The following COBL variants were observed in gnomAD, a reference collection of about 807,000 sequenced individuals.
COBL encodes the protein cordon-bleu WH2 repeat protein.
Under a neutral mutation model 98.8 loss-of-function variants are expected in COBL, and 51 were observed. The observed-to-expected ratio is 0.52, with a 90% CI of 0.41 to 0.65. COBL has a LOEUF of 0.65. COBL is among the 30% of genes least tolerant of loss of function. COBL has a pLI of 0.00. For synonymous variants in COBL, 634 were observed against 651.7 expected (o/e 0.97, Z 0.41); for missense variants, 1,617 against 1,617.5 (o/e 1.00, Z 0.01).
At chr7:51,255,878 C>G (rs944812715) in intron 1 of COBL, among the ~76,000 whole-genome samples, 1 of 152,140 alleles carries the variant, frequency 6.6e-6, no homozygotes, top group Non-Finnish European at 1.5e-5. Flanking sequence ...TCCAGCCCAG[C>G]CCCTGCTTTG....
chr7:51,040,694 C>T (rs1466201981), intron 8 of COBL, among the ~76,000 whole-genome samples: 1 of 152,114 alleles, frequency 6.6e-6, no homozygotes, highest in African/African-American at 2.4e-5. Context: ...CTATCAGGTT[C>T]CCGAACTCCC....
chr7:51,263,925 A>G (rs1183325900), intron 1 of COBL, among the ~76,000 whole-genome samples: 1 of 152,226 alleles, frequency 6.6e-6, no homozygotes, highest in African/African-American at 2.4e-5. Flanking sequence ...AATGCTAACC[A>G]TGAGTTTGGC....
chr7:51,046,332 T>C (rs1365775124), intron 7 of COBL, among the ~76,000 whole-genome samples: 1 of 152,114 alleles, frequency 6.6e-6, no homozygotes, highest in Non-Finnish European at 1.5e-5. Flanking sequence ...AGTGGGGAAC[T>C]TTCCAGAGAA....
intron 5 of COBL, among the ~76,000 whole-genome samples, chr7:51,150,984 C>A (rs1372488082): frequency 1.3e-5 from 2 of 152,220 alleles, no homozygotes; most frequent in African/African-American, 4.8e-5. Flanking sequence ...CTCCCCGCCC[C>A]AAATCAGCAC....
intron 1 of COBL, among the ~76,000 whole-genome samples, chr7:51,224,319 G>A (rs1159013131): frequency 6.6e-6 from 1 of 152,132 alleles, no homozygotes; most frequent in African/African-American, 2.4e-5. Context: ...CATAGTTCCT[G>A]CTTACAAGAA....
At chr7:51,114,621 T>C (rs1317671617) in intron 6 of COBL, among the ~76,000 whole-genome samples, 1 of 152,212 alleles carries the variant, frequency 6.6e-6, no homozygotes, top group Admixed American at 6.5e-5. Flanking sequence ...ATCAGAAGTT[T>C]GTCCTGACCT....
intron 6 of COBL, among the ~76,000 whole-genome samples, chr7:51,122,982 CA>C (rs57261676): frequency 0.55 from 77,224 of 139,788 alleles, 20,210 homozygotes; most frequent in Middle Eastern, 0.76. Context: ...GACTCCATCT[CA>C]AAAAAAAAAA....
At chr7:51,189,103 T>C (rs1404145940) in intron 4 of COBL, among the ~76,000 whole-genome samples, 3 of 152,200 alleles carry the variant, frequency 2.0e-5, no homozygotes, top group African/African-American at 7.2e-5. Flanking sequence ...TCTGTCTGTG[T>C]TTTAAAAAAG....
intron 2 of COBL, among the ~76,000 whole-genome samples, chr7:51,207,408 C>T (rs2129072028): frequency 6.6e-6 from 1 of 152,170 alleles, no homozygotes; most frequent in African/African-American, 2.4e-5. Flanking sequence ...TGCAGTCTCC[C>T]TCTCCCTCTC....
intron 6 of COBL, among the ~76,000 whole-genome samples, chr7:51,132,862 C>G (rs1798883826): frequency 6.6e-6 from 1 of 152,040 alleles, no homozygotes; most frequent in Non-Finnish European, 1.5e-5. Flanking sequence ...AATCAGATCT[C>G]AGGTAAACTA....
At chr7:51,081,298 G>A (rs950081646) in intron 7 of COBL, among the ~76,000 whole-genome samples, 5 of 152,196 alleles carry the variant, frequency 3.3e-5, no homozygotes, top group East Asian at 1.9e-4. Context: ...TGACGCTGAG[G>A]GCAAAGGAAG....
chr7:51,097,988 C>A (rs534865509), intron 6 of COBL, among the ~76,000 whole-genome samples: 1 of 141,572 alleles, frequency 7.1e-6, no homozygotes. Flanking sequence ...TGCGCCACTG[C>A]ACTCCAGCCT....
chr7:51,025,227 A>C lies in COBL; in HGVS notation c.3650T>G (p.Leu1217Arg), dbSNP rs1554347651. Residue 1217 changes from leucine to arginine, a missense_variant, in exon 12 of 13, where the codon CTC (leucine) becomes CGC (arginine). Physicochemically the swap from Leu to Arg is moderately radical, Grantham distance 102 (BLOSUM62 -2). Transcript: ENST00000265136. Reference protein sequence around the residue: ...PPPPPPPSQALSAPRTASRFS... With the variant: ...PPPPPPPSQARSAPRTASRFS... ...CCTGGAGGCCGTCCTTGGTGCAGAG[A>C]GAGCCTGGGAGGGTGGAGGGGGTGG... 1.2e-5 allele frequency: 13 copies of C among 1,122,932 alleles called. No homozygotes were observed. In the South Asian group the frequency reaches 1.5e-4, roughly 13 times the overall value. 69.6% of individuals were successfully genotyped at this position (1,122,932 alleles called of 1,614,324 possible). A position where few individuals can be genotyped will look rare whatever the true frequency, so the allele number is the denominator to read the frequency against.
chr7:51,253,767 T>C (rs1431838423), intron 1 of COBL, among the ~76,000 whole-genome samples: 2 of 152,226 alleles, frequency 1.3e-5, no homozygotes, highest in East Asian at 1.9e-4. Context: ...TTGCCATTTC[T>C]TTTGTTCTTA....
At chr7:51,044,210 T>C (rs1438022059) in intron 7 of COBL, among the ~76,000 whole-genome samples, 1 of 152,216 alleles carries the variant, frequency 6.6e-6, no homozygotes, top group Admixed American at 6.5e-5. Flanking sequence ...TCTCCCTTAA[T>C]TTTTACATGT....
intron 7 of COBL, among the ~76,000 whole-genome samples, chr7:51,067,532 A>C (rs965129917): frequency 5.9e-5 from 9 of 152,220 alleles, no homozygotes; most frequent in Admixed American, 3.3e-4. Flanking sequence ...GCATGTATGC[A>C]CATGTATGTG....
intron 6 of COBL, among the ~76,000 whole-genome samples, chr7:51,134,393 A>C (rs1179186142): frequency 1.3e-5 from 2 of 152,172 alleles, no homozygotes; most frequent in Admixed American, 6.6e-5. Flanking sequence ...ACAGGGTATA[A>C]AGTACTATTT....
intron 2 of COBL, among the ~76,000 whole-genome samples, chr7:51,196,004 G>C (rs948603787): frequency 6.6e-6 from 1 of 152,066 alleles, no homozygotes; most frequent in Non-Finnish European, 1.5e-5. Flanking sequence ...TTTCTTGCCT[G>C]ACTGCCCTGG....
At chr7:51,293,051 T>C (rs1416912274) in intron 1 of COBL, among the ~76,000 whole-genome samples, 1 of 152,238 alleles carries the variant, frequency 6.6e-6, no homozygotes, top group East Asian at 1.9e-4. Flanking sequence ...TGGTGAAAAT[T>C]AAAGACTGAC....
Sources: allele counts gnomAD v4.1 joint callset (sites outside exome capture counted in the v4.1 genomes callset), GRCh38; gene constraint gnomAD v4.1.1; transcripts MANE v1.5; gene names NCBI Gene and HGNC (gene_info 2026-07-23, HGNC 2026-07-21).